The following DNER variants were observed in gnomAD, a reference collection of about 807,000 sequenced individuals.
The protein encoded by DNER is delta and Notch-like epidermal growth factor-related receptor.
In DNER, 33 loss-of-function variants were observed where a neutral mutation model predicts 78.2. The ratio of observed to expected loss-of-function variants is 0.42; its 90% confidence interval spans 0.32 to 0.56. The LOEUF (loss-of-function observed/expected upper bound fraction) is 0.56. Among genes scored for constraint, DNER ranks in the 20% least tolerant of loss-of-function variants. DNER has a pLI of 0.11. For missense variants in DNER, 918 were observed against 975.3 expected (o/e 0.94, Z 0.78); for synonymous variants, 417 against 384.8 (o/e 1.08, Z -0.98).
At chr2:229,482,009 G>C (rs1261670701) in intron 6 of DNER, among the ~76,000 whole-genome samples, 1 of 152,238 alleles carries the variant, frequency 6.6e-6, no homozygotes, top group East Asian at 1.9e-4. Flanking sequence ...CAGAAAATGT[G>C]TGAATGTCAT....
chr2:229,558,331 C>A (rs1048093827), intron 4 of DNER, among the ~76,000 whole-genome samples: 4 of 152,016 alleles, frequency 2.6e-5, no homozygotes, highest in African/African-American at 7.2e-5. Context: ...CCCCCATAAC[C>A]CAAGTTTATC....
chr2:229,556,324 G>A (rs1696855519), intron 4 of DNER, among the ~76,000 whole-genome samples: 1 of 152,338 alleles, frequency 6.6e-6, no homozygotes, highest in African/African-American at 2.4e-5. Context: ...GTTGAAACCA[G>A]TAGCTTCAAA....
intron 1 of DNER, among the ~76,000 whole-genome samples, chr2:229,687,322 G>C (rs1036572428): frequency 1.4e-5 from 2 of 144,328 alleles, no homozygotes; most frequent in Non-Finnish European, 3.0e-5. Context: ...GCAGTGTAGT[G>C]GCACGATCTC....
chr2:229,444,505 C>A (rs1468648348), intron 8 of DNER, among the ~76,000 whole-genome samples: 1 of 152,154 alleles, frequency 6.6e-6, no homozygotes, highest in African/African-American at 2.4e-5. Flanking sequence ...TTGCCTCACA[C>A]GTGTTGAAAA....
chr2:229,501,899 A>G (rs1171573045), intron 6 of DNER, among the ~76,000 whole-genome samples: 1 of 152,214 alleles, frequency 6.6e-6, no homozygotes, highest in Non-Finnish European at 1.5e-5. Flanking sequence ...TAGTTGACCA[A>G]CAAGGAGCGG....
chr2:229,449,626 T>C (rs988241124), intron 7 of DNER, among the ~76,000 whole-genome samples: 5 of 152,178 alleles, frequency 3.3e-5, no homozygotes, highest in African/African-American at 1.2e-4. Flanking sequence ...GGTTCTAGGT[T>C]AACCTTGTGG....
At chr2:229,517,578 C>T (rs1010346229) in intron 5 of DNER, among the ~76,000 whole-genome samples, 1 of 152,172 alleles carries the variant, frequency 6.6e-6, no homozygotes, top group African/African-American at 2.4e-5. Context: ...CAGGAAAGAT[C>T]CAGAAACCAG....
At chr2:229,380,177 C>T (rs983728252) in intron 11 of DNER, among the ~76,000 whole-genome samples, 4 of 150,418 alleles carry the variant, frequency 2.7e-5, no homozygotes, top group Non-Finnish European at 5.9e-5. Context: ...CACATTTGGA[C>T]AAGAGAGTTT....
intron 4 of DNER, among the ~76,000 whole-genome samples, chr2:229,580,962 G>A (rs1196844078): frequency 6.6e-6 from 1 of 152,192 alleles, no homozygotes; most frequent in Non-Finnish European, 1.5e-5. Context: ...TTGGGGGTCT[G>A]AGGCTCAGAC....
intron 8 of DNER, among the ~76,000 whole-genome samples, chr2:229,445,371 G>A (rs1185155879): frequency 6.6e-6 from 1 of 152,184 alleles, no homozygotes; most frequent in Non-Finnish European, 1.5e-5. Flanking sequence ...ATATCCTCAT[G>A]TCAAACACAG....
intron 11 of DNER, among the ~76,000 whole-genome samples, chr2:229,386,988 AG>A (rs1692881991): frequency 6.6e-6 from 1 of 152,200 alleles, no homozygotes. Flanking sequence ...ATATACCCAA[AG>A]GATTATAAAT....
chr2:229,391,436 C>T (rs1693014246), intron 10 of DNER, among the ~76,000 whole-genome samples: 1 of 151,864 alleles, frequency 6.6e-6, no homozygotes, highest in Admixed American at 6.6e-5. Flanking sequence ...TATTCTTAAA[C>T]CACTGTTCTT....
intron 8 of DNER, among the ~76,000 whole-genome samples, chr2:229,418,921 C>CAA (rs5839324): frequency 2.5e-4 from 38 of 149,444 alleles, no homozygotes; most frequent in Admixed American, 3.3e-4. Context: ...AACTCCATCT[C>CAA]AAAAAAAAAA....
intron 1 of DNER, among the ~76,000 whole-genome samples, chr2:229,613,231 TAAAA>T (rs1479031930): frequency 6.6e-6 from 1 of 152,080 alleles, no homozygotes; most frequent in African/African-American, 2.4e-5. Context: ...CAGAAAAAAA[TAAAA>T]TCCAAACAGC....
intron 8 of DNER, among the ~76,000 whole-genome samples, chr2:229,426,931 G>A (rs1485227281): frequency 2.6e-5 from 4 of 152,322 alleles, no homozygotes; most frequent in East Asian, 3.9e-4. Flanking sequence ...CAGAGCATTC[G>A]TTGGTGTGTG....
At chr2:229,664,853 C>A (rs1699061767) in intron 1 of DNER, among the ~76,000 whole-genome samples, 1 of 152,148 alleles carries the variant, frequency 6.6e-6, no homozygotes, top group Non-Finnish European at 1.5e-5. Context: ...AGAACACTGG[C>A]CTGAGGCCAC....
intron 8 of DNER, among the ~76,000 whole-genome samples, chr2:229,422,046 T>A (rs1693778506): frequency 6.6e-6 from 1 of 152,110 alleles, no homozygotes. Context: ...GCTGGTGATG[T>A]TTTTCTTCCT....
intron 1 of DNER, among the ~76,000 whole-genome samples, chr2:229,656,828 T>C (rs973446039): frequency 1.3e-5 from 2 of 152,174 alleles, no homozygotes; most frequent in African/African-American, 4.8e-5. Context: ...ATGAAGGCAA[T>C]GATTTTTCTC....
chr2:229,390,128 A>T (rs1430050198), intron 10 of DNER, among the ~76,000 whole-genome samples: 1 of 152,252 alleles, frequency 6.6e-6, no homozygotes, highest in Non-Finnish European at 1.5e-5. Flanking sequence ...ACTAATTTCC[A>T]ACCATCTAGG....
Sources: gnomAD v4.1 joint callset for allele counts (sites outside exome capture counted in the v4.1 genomes callset) on GRCh38, gnomAD v4.1.1 for gene constraint, MANE v1.5 for transcripts, NCBI Gene and HGNC (gene_info 2026-07-23, HGNC 2026-07-21) for gene names.